SEC24B: variants seen among roughly 807,000 people sequenced by gnomAD.
The protein encoded by SEC24B is protein transport protein Sec24B.
Under a neutral mutation model 142.8 loss-of-function variants are expected in SEC24B, and 45 were observed. That is an observed-to-expected ratio of 0.32 (90% CI 0.25 to 0.40). SEC24B has a LOEUF of 0.40. SEC24B is among the 10% of genes least tolerant of loss of function. The pLI is 1.00. For synonymous variants in SEC24B, 574 were observed against 568.2 expected (o/e 1.01, Z -0.15); for missense variants, 1,409 against 1,526.8 (o/e 0.92, Z 1.29).
At chr4:109,456,325 GT>G (rs1196701325) in intron 1 of SEC24B, among the ~76,000 whole-genome samples, 1 of 92,258 alleles carries the variant, frequency 1.1e-5, no homozygotes, top group Non-Finnish European at 2.2e-5. Context: ...ATAAAGACAG[GT>G]TTTTTTTGTT....
At chr4:109,453,964 TCTCCTGC>T (rs1357397208) in intron 1 of SEC24B, among the ~76,000 whole-genome samples, 2 of 152,154 alleles carry the variant, frequency 1.3e-5, no homozygotes, top group African/African-American at 4.8e-5. Context: ...TTCAAGTGAT[TCTCCTGC>T]CTCAGCCTCC....
At chr4:109,523,694 A>T (rs1201472339) in intron 14 of SEC24B, among the ~76,000 whole-genome samples, 1 of 152,200 alleles carries the variant, frequency 6.6e-6, no homozygotes, top group Non-Finnish European at 1.5e-5. Flanking sequence ...AACAGTTTTA[A>T]TAGTGTCATA....
chr4:109,490,905 TAA>T (rs1008182765), intron 4 of SEC24B, among the ~76,000 whole-genome samples: 2 of 152,134 alleles, frequency 1.3e-5, no homozygotes, highest in African/African-American at 4.8e-5. Flanking sequence ...ATGATATAAA[TAA>T]AAGTCATTAA....
At chr4:109,524,213 T>C (rs1017411599) in intron 14 of SEC24B, among the ~76,000 whole-genome samples, 1 of 152,152 alleles carries the variant, frequency 6.6e-6, no homozygotes, top group African/African-American at 2.4e-5. Context: ...TCTGTTCTGG[T>C]TTACATATTC....
At chr4:109,461,951 A>G (rs1731300562) in intron 1 of SEC24B, among the ~76,000 whole-genome samples, 1 of 152,144 alleles carries the variant, frequency 6.6e-6, no homozygotes, top group Non-Finnish European at 1.5e-5. Context: ...CTACAAGAAA[A>G]TAAATTTAGA....
chr4:109,434,930 A>G (rs1425413687), intron 1 of SEC24B, among the ~76,000 whole-genome samples: 1 of 152,110 alleles, frequency 6.6e-6, no homozygotes, highest in Non-Finnish European at 1.5e-5. Context: ...ATGTTCGCGG[A>G]TAGGGGCCAA....
At chr4:109,537,698 T>C (rs1014338422) in intron 22 of SEC24B, among the ~76,000 whole-genome samples, 1 of 152,162 alleles carries the variant, frequency 6.6e-6, no homozygotes, top group Non-Finnish European at 1.5e-5. Context: ...GTGAATAATA[T>C]GCATGATATG....
intron 1 of SEC24B, among the ~76,000 whole-genome samples, chr4:109,444,241 T>C (rs909966309): frequency 1.3e-5 from 2 of 151,870 alleles, no homozygotes; most frequent in African/African-American, 2.4e-5. Flanking sequence ...AAGAATAGTT[T>C]TTACAATTAT....
intron 1 of SEC24B, among the ~76,000 whole-genome samples, chr4:109,456,353 T>TTTTTTTTTTTTTTA (rs1553995174): frequency 3.4e-5 from 5 of 148,774 alleles, no homozygotes; most frequent in Non-Finnish European, 7.5e-5. Context: ...TTTTTTTTTT[T>TTTTTTTTTTTTTTA]ACTCCTTTCC....
At chr4:109,468,067 G>C (rs947481949) in intron 2 of SEC24B, among the ~76,000 whole-genome samples, 4 of 152,114 alleles carry the variant, frequency 2.6e-5, no homozygotes, top group African/African-American at 9.7e-5. Flanking sequence ...AAAAGCAAAA[G>C]CAAATACCTT....
In SEC24B at chr4:109,506,271, A is replaced by G; in HGVS notation, c.1489-57A>G. 3 of 1,297,958 alleles carry G rather than the reference A, an allele frequency of 2.3e-6. No homozygotes were observed. In the South Asian group the frequency reaches 6.5e-5, roughly 28 times the overall value. 80.4% of individuals were successfully genotyped at this position (1,297,958 alleles called of 1,614,324 possible). ...GTATGTTGAGATATGTAGTATATATAAGAAAATTTATTTATGTTTTATTGT... is the reference window on the plus strand; with the variant it reads ...GTATGTTGAGATATGTAGTATATATGAGAAAATTTATTTATGTTTTATTGT... On this transcript the variant is annotated intron_variant, in intron 6 of 23. Transcript: ENST00000265175.
At chr4:109,517,418 A>G (rs1314267281) in intron 11 of SEC24B, among the ~76,000 whole-genome samples, 2 of 152,230 alleles carry the variant, frequency 1.3e-5, no homozygotes, top group African/African-American at 4.8e-5. Flanking sequence ...TAAATCTCAT[A>G]AAAGTAGAGA....
intron 18 of SEC24B, among the ~76,000 whole-genome samples, chr4:109,529,292 C>T (rs778801783): frequency 6.6e-6 from 1 of 151,964 alleles, no homozygotes; most frequent in Non-Finnish European, 1.5e-5. Context: ...TACATATGCA[C>T]GTTCGTTATG....
chr4:109,438,747 C>T (rs1170263909), intron 1 of SEC24B, among the ~76,000 whole-genome samples: 11 of 152,138 alleles, frequency 7.2e-5, no homozygotes, highest in African/African-American at 2.2e-4. Context: ...TCCACTTATT[C>T]GAAGATACAG....
At chr4:109,474,890 A>C (rs1444857683) in intron 3 of SEC24B, among the ~76,000 whole-genome samples, 3 of 152,250 alleles carry the variant, frequency 2.0e-5, no homozygotes, top group Non-Finnish European at 2.9e-5. Flanking sequence ...TTTATTGAGC[A>C]CATACAATAT....
intron 22 of SEC24B, among the ~76,000 whole-genome samples, chr4:109,536,929 A>G (rs1725611225): frequency 6.6e-6 from 1 of 152,088 alleles, no homozygotes; most frequent in Non-Finnish European, 1.5e-5. Context: ...AAACATTTAT[A>G]TTTGGTAACA....
rs558468180 is a variant in SEC24B at position 109,528,658 on chromosome 4, TTAAAC to T, written c.3076+1230_3076+1234del. 9.3e-4 allele frequency among the ~76,000 whole-genome samples: 141 copies of T among 152,270 alleles called. 1 individual carries two copies. Among genetic ancestry groups the T allele is most frequent in the Admixed American group, 7.3e-3 (111 of 15,296 alleles). ...ACACATAACCACTATAGAACTGTAC[TTAAAC>T]TAATTATATGTAAGTCTAAAAAAAT... On this transcript the variant is annotated intron_variant, in intron 18 of 23. Coordinates refer to ENST00000265175, the MANE Select transcript of SEC24B (RefSeq NM_006323.5).
intron 4 of SEC24B, among the ~76,000 whole-genome samples, chr4:109,483,858 C>T (rs1734075590): frequency 6.6e-6 from 1 of 152,164 alleles, no homozygotes; most frequent in African/African-American, 2.4e-5. Context: ...CGCATGTACG[C>T]TTTACCCAGA....
chr4:109,471,510 G>A (rs757586039), intron 2 of SEC24B, among the ~76,000 whole-genome samples: 3 of 152,082 alleles, frequency 2.0e-5, no homozygotes, highest in Non-Finnish European at 4.4e-5. Context: ...CTTAATCACT[G>A]TTTTATGTTG....
Sources: allele counts gnomAD v4.1 joint callset (sites outside exome capture counted in the v4.1 genomes callset), GRCh38; gene constraint gnomAD v4.1.1; transcripts MANE v1.5; gene names NCBI Gene and HGNC (gene_info 2026-07-23, HGNC 2026-07-21).